CREB5: variants seen among roughly 807,000 people sequenced by gnomAD.
CREB5 encodes cyclic AMP-responsive element-binding protein 5.
Under a neutral mutation model 57.1 loss-of-function variants are expected in CREB5, and 19 were observed. The observed-to-expected ratio is 0.33, with a 90% CI of 0.23 to 0.49. The LOEUF (loss-of-function observed/expected upper bound fraction) is 0.49, where lower values mean the gene tolerates loss of function less well. Among genes scored for constraint, CREB5 ranks in the 20% least tolerant of loss-of-function variants. CREB5 has a pLI of 0.99. For synonymous variants in CREB5, 238 were observed against 238.3 expected (o/e 1.00, Z 0.01); for missense variants, 579 against 671.6 (o/e 0.86, Z 1.52).
At chr7:28,559,938 C>A (rs1795015920) in intron 4 of CREB5, among the ~76,000 whole-genome samples, 1 of 152,132 alleles carries the variant, frequency 6.6e-6, no homozygotes, top group Admixed American at 6.5e-5. Context: ...TAGAAGATAA[C>A]AGGTGGAATA....
chr7:28,580,380 G>GT (rs370282419), intron 5 of CREB5, among the ~76,000 whole-genome samples: 9,501 of 127,460 alleles, frequency 0.075, 550 homozygotes, highest in East Asian at 0.24. Context: ...CTGTGTGTGT[G>GT]GGGGGGGCAT....
chr7:28,599,754 G>GTTTTGTTTTT (rs3041154), intron 5 of CREB5, among the ~76,000 whole-genome samples: 5 of 148,790 alleles, frequency 3.4e-5, no homozygotes, highest in African/African-American at 1.2e-4. Flanking sequence ...GTTTTGTTTT[G>GTTTTGTTTTT]TTTTTTTATT....
At chr7:28,456,181 T>TA (rs1192855295) in intron 1 of CREB5, among the ~76,000 whole-genome samples, 1 of 152,092 alleles carries the variant, frequency 6.6e-6, no homozygotes, top group African/African-American at 2.4e-5. Context: ...ATCCTCCTCT[T>TA]AAGAGGAAAA....
chr7:28,403,048 G>A (rs1231340673), intron 1 of CREB5, among the ~76,000 whole-genome samples: 1 of 152,184 alleles, frequency 6.6e-6, no homozygotes, highest in African/African-American at 2.4e-5. Flanking sequence ...TCATACTAGG[G>A]TTAATAATTA....
chr7:28,747,704 G>C (rs892703468), intron 7 of CREB5, among the ~76,000 whole-genome samples: 1 of 152,160 alleles, frequency 6.6e-6, no homozygotes, highest in African/African-American at 2.4e-5. Flanking sequence ...CACCAGGCTG[G>C]GTTGGCCAGC....
At chr7:28,679,203 A>G (rs1800474529) in intron 5 of CREB5, among the ~76,000 whole-genome samples, 1 of 152,124 alleles carries the variant, frequency 6.6e-6, no homozygotes, top group Non-Finnish European at 1.5e-5. Flanking sequence ...CAGAGGGAGA[A>G]TATTCAGAAA....
chr7:28,504,498 G>A (rs997248304), intron 3 of CREB5, among the ~76,000 whole-genome samples: 4 of 152,312 alleles, frequency 2.6e-5, no homozygotes, highest in East Asian at 1.9e-4. Flanking sequence ...AAGCCAAGAC[G>A]ATTGTTTCAG....
chr7:28,430,690 A>G (rs2128016997), intron 1 of CREB5, among the ~76,000 whole-genome samples: 1 of 152,302 alleles, frequency 6.6e-6, no homozygotes, highest in East Asian at 1.9e-4. Flanking sequence ...AACAACAACA[A>G]AAATGTCAAG....
intron 9 of CREB5, among the ~76,000 whole-genome samples, chr7:28,814,447 A>G (rs1809303238): frequency 6.6e-6 from 1 of 152,236 alleles, no homozygotes; most frequent in South Asian, 2.1e-4. Flanking sequence ...AAATGAAACT[A>G]TAAATGTTGC....
chr7:28,404,566 A>G (rs1002588975), intron 1 of CREB5, among the ~76,000 whole-genome samples: 1 of 152,184 alleles, frequency 6.6e-6, no homozygotes, highest in Admixed American at 6.5e-5. Flanking sequence ...ATGCTCCACC[A>G]GGCTTCTTTT....
At chr7:28,485,041 T>A (rs1791495923) in intron 1 of CREB5, among the ~76,000 whole-genome samples, 1 of 152,210 alleles carries the variant, frequency 6.6e-6, no homozygotes. Flanking sequence ...ATTGCCAAAG[T>A]ATTAGCATTA....
chr7:28,646,184 T>TTTCACATACAC (rs1456210089), intron 5 of CREB5, among the ~76,000 whole-genome samples: 1 of 152,206 alleles, frequency 6.6e-6, no homozygotes, highest in African/African-American at 2.4e-5. Flanking sequence ...TTCTATCGGT[T>TTTCACATACAC]CTGTTTCTCT....
At chr7:28,688,054 C>T (rs41350) in intron 5 of CREB5, among the ~76,000 whole-genome samples, 19,503 of 152,174 alleles carry the variant, frequency 0.13, 1,468 homozygotes, top group Admixed American at 0.19. Flanking sequence ...CATAGCTTTT[C>T]AGAGAAAAGT....
intron 4 of CREB5, 122 bp from the exon 5 acceptor site, chr7:28,570,243 G>A (rs921494719): frequency 1.2e-4 from 125 of 1,042,090 alleles, no homozygotes; most frequent in East Asian, 8.7e-4. Context: ...ATGGCTTGCC[G>A]GAAGCCATAA....
intron 7 of CREB5, among the ~76,000 whole-genome samples, chr7:28,779,695 C>G (rs1043092291): frequency 3.5e-4 from 54 of 152,144 alleles, no homozygotes; most frequent in African/African-American, 1.3e-3. Context: ...TTCCAAAAAG[C>G]TATTTGTCAT....
chr7:28,363,571 T>C (rs149286919), intron 1 of CREB5, among the ~76,000 whole-genome samples: 1 of 151,998 alleles, frequency 6.6e-6, no homozygotes, highest in Non-Finnish European at 1.5e-5. Flanking sequence ...TGAACTTCCT[T>C]ACAGAACTTA....
At chr7:28,386,974 T>C (rs187362788) in intron 1 of CREB5, among the ~76,000 whole-genome samples, 1 of 152,314 alleles carries the variant, frequency 6.6e-6, no homozygotes, top group African/African-American at 2.4e-5. Flanking sequence ...ATCCAGTCTA[T>C]TATTGATGGA....
chr7:28,511,996 G>A (rs2128609514), intron 4 of CREB5, among the ~76,000 whole-genome samples: 1 of 152,216 alleles, frequency 6.6e-6, no homozygotes, highest in Non-Finnish European at 1.5e-5. Context: ...ATTTTGAAGA[G>A]AGAGCCAACA....
chr7:28,663,974 A>G (rs546011320), intron 5 of CREB5, among the ~76,000 whole-genome samples: 15 of 152,210 alleles, frequency 9.9e-5, no homozygotes, highest in Non-Finnish European at 2.2e-4. Flanking sequence ...CAAACTTAGC[A>G]TGCAGAAGAA....
Sources: gnomAD v4.1 joint callset for allele counts (sites outside exome capture counted in the v4.1 genomes callset) on GRCh38, gnomAD v4.1.1 for gene constraint, MANE v1.5 for transcripts, NCBI Gene and HGNC (gene_info 2026-07-23, HGNC 2026-07-21) for gene names.